MCC: variants seen among roughly 807,000 people sequenced by gnomAD.
MCC encodes the protein colorectal mutant cancer protein.
MCC carries 90 observed loss-of-function variants against 116.2 expected under a neutral mutation model. That is an observed-to-expected ratio of 0.77 (90% CI 0.65 to 0.92). The LOEUF (loss-of-function observed/expected upper bound fraction) is 0.92. Among genes scored for constraint, MCC ranks in the 40% least tolerant of loss-of-function variants. MCC has a pLI of 0.00. For synonymous variants in MCC, 578 were observed against 510.5 expected (o/e 1.13, Z -1.78); for missense variants, 1,516 against 1,312.2 (o/e 1.16, Z -2.40).
chr5:113,447,980 T>A (rs1208496392), intron 1 of MCC: 1 of 152,182 alleles, frequency 6.6e-6, no homozygotes, highest in Admixed American at 6.5e-5. Flanking sequence ...CTGGCCTCTA[T>A]CTGGGGAGAG....
chr5:113,223,405 C>T (rs975178144), intron 3 of MCC, among the ~76,000 whole-genome samples: 5 of 152,172 alleles, frequency 3.3e-5, no homozygotes, highest in Non-Finnish European at 7.3e-5. Context: ...CCCCTTGGAG[C>T]TCTTCTAGTT....
intron 11 of MCC, among the ~76,000 whole-genome samples, chr5:113,081,667 G>A (rs567280170): frequency 1.4e-4 from 21 of 152,248 alleles, no homozygotes; most frequent in Non-Finnish European, 2.5e-4. Context: ...CAGTGATACT[G>A]AAAAGACTGC....
At position 113,026,255 on chromosome 5, in the gene MCC, A is replaced by G. The variant is rs1750540822; in HGVS notation, c.*1047T>C. On this transcript the variant is annotated 3_prime_UTR_variant, in exon 19 of 19. Transcript: ENST00000408903. ...TGTCCCCGTCATGACAACAGGAGCT[A>G]AGTCTTGAACTGGGGGTTACACAGC... is the stretch of plus-strand genomic sequence containing the variant. 6.6e-6 allele frequency: 1 copy of G among 152,212 alleles called. No homozygotes were observed. The highest frequency in any genetic ancestry group is 1.5e-5 in the Non-Finnish European group (1 of 68,040). The allele number at this position is 152,212 out of a possible 1,614,324, so 9.4% of individuals were successfully genotyped here. A position where few individuals can be genotyped will look rare whatever the true frequency, so the allele number is the denominator to read the frequency against.
At chr5:113,349,942 T>C (rs1408650413) in intron 2 of MCC, among the ~76,000 whole-genome samples, 2 of 151,962 alleles carry the variant, frequency 1.3e-5, no homozygotes, top group African/African-American at 2.4e-5. Context: ...CCAAGTATAA[T>C]AGTTACAAAT....
chr5:113,246,719 T>C (rs1244203652), intron 3 of MCC, among the ~76,000 whole-genome samples: 3 of 152,238 alleles, frequency 2.0e-5, no homozygotes, highest in Admixed American at 6.5e-5. Flanking sequence ...TCCTACTTTA[T>C]CTTGTGAACT....
chr5:113,106,456 A>G (rs1301294271), intron 6 of MCC, among the ~76,000 whole-genome samples: 3 of 151,510 alleles, frequency 2.0e-5, no homozygotes, highest in Non-Finnish European at 4.4e-5. Context: ...CCCCTGGAAT[A>G]TGCCAAACTC....
At chr5:113,124,340 T>C (rs905960876) in intron 5 of MCC, among the ~76,000 whole-genome samples, 1 of 152,208 alleles carries the variant, frequency 6.6e-6, no homozygotes, top group South Asian at 2.1e-4. Context: ...ATACATTAGC[T>C]CTCCTTTCAG....
chr5:113,138,718 C>T (rs1758997430), intron 5 of MCC, among the ~76,000 whole-genome samples: 1 of 152,174 alleles, frequency 6.6e-6, no homozygotes, highest in Admixed American at 6.5e-5. Context: ...TATTTTGAAG[C>T]TCCATGGGTT....
In MCC at chr5:113,434,219, G is replaced by A. The variant is rs763281795; in HGVS notation, c.171-49007C>T. ...AGGGCATGGAGCCGCAGACCATGAT[G>A]TAGAGGATCACGCCTAGGCTCCAGA... is the stretch of plus-strand genomic sequence containing the variant. On this transcript the variant is annotated intron_variant, in intron 1 of 18. Transcript: ENST00000408903. This position sits in a 1 kb window ranked among gnomAD's most constrained non-coding sequence, Gnocchi z 4.2. 3.1e-6 allele frequency: 5 copies of A among 1,614,128 alleles called. No individual in the cohort carries two copies. The highest frequency in any genetic ancestry group is 4.2e-6 in the Non-Finnish European group (5 of 1,179,972).
chr5:113,221,691 T>G lies in MCC; in HGVS notation c.628-70269A>C, dbSNP rs188737681. Among the ~76,000 whole-genome samples the G allele has an allele frequency of 2.6e-5, 4 of 152,300 alleles. No individual in the cohort carries two copies. The East Asian group carries it at 7.7e-4, about 29-fold the overall frequency. On this transcript the variant is annotated intron_variant, in intron 3 of 18. Transcript: ENST00000408903. ...CAGGTGGATACACTGGCTCATCTGGTCTTGTGGACCTGACTGAGGAACTGA... is the reference window on the plus strand; with the variant it reads ...CAGGTGGATACACTGGCTCATCTGGGCTTGTGGACCTGACTGAGGAACTGA...
intron 11 of MCC, among the ~76,000 whole-genome samples, chr5:113,078,302 T>C (rs1348598234): frequency 2.0e-5 from 3 of 152,222 alleles, no homozygotes; most frequent in Non-Finnish European, 4.4e-5. Flanking sequence ...CTCATTCATT[T>C]TATGAGGCCA....
At chr5:113,338,999 T>A (rs1209493972) in intron 3 of MCC, among the ~76,000 whole-genome samples, 3 of 152,060 alleles carry the variant, frequency 2.0e-5, no homozygotes, top group Admixed American at 1.3e-4. Flanking sequence ...GGCGGGTGGA[T>A]CACTTGAGGT....
intron 3 of MCC, among the ~76,000 whole-genome samples, chr5:113,175,637 G>A (rs1310984577): frequency 6.6e-6 from 1 of 152,068 alleles, no homozygotes; most frequent in Admixed American, 6.5e-5. Context: ...ACTTTCTCAG[G>A]AACCTATCTA....
chr5:113,471,449 C>T (rs1343655250), intron 1 of MCC, among the ~76,000 whole-genome samples: 2 of 152,158 alleles, frequency 1.3e-5, no homozygotes, highest in Non-Finnish European at 2.9e-5. Flanking sequence ...CAGACCCTTT[C>T]TGCCTGGGTA....
rs181580863 is a variant in MCC at position 113,180,708 on chromosome 5, A to G, written c.628-29286T>C. Among the ~76,000 whole-genome samples, 74 of 152,366 alleles carry G rather than the reference A, an allele frequency of 4.9e-4. 1 individual carries two copies. Among genetic ancestry groups the G allele is most frequent in the African/African-American group, 1.7e-3 (72 of 41,588 alleles). On this transcript the variant is annotated intron_variant, in intron 3 of 18. Transcript: ENST00000408903. ...TATGTATATGTTAGATCTCAGCAGT[A>G]TAAAAGAGATCAATTTTTCCTCTAT...
intron 3 of MCC, among the ~76,000 whole-genome samples, chr5:113,238,146 T>C (rs1764200767): frequency 6.6e-6 from 1 of 152,158 alleles, no homozygotes; most frequent in Non-Finnish European, 1.5e-5. Flanking sequence ...AACCAGTCAC[T>C]TAAACTCAGA....
chr5:113,050,631 T>C (rs1752424932), intron 15 of MCC, among the ~76,000 whole-genome samples: 1 of 152,208 alleles, frequency 6.6e-6, no homozygotes, highest in Non-Finnish European at 1.5e-5. Flanking sequence ...CTTCGGATCT[T>C]TTGCCATTGG....
At chr5:113,274,667 T>C (rs1765757159) in intron 3 of MCC, among the ~76,000 whole-genome samples, 1 of 152,164 alleles carries the variant, frequency 6.6e-6, no homozygotes, top group South Asian at 2.1e-4. Context: ...ATCCTAAAGA[T>C]ATTTTGAAGG....
chr5:113,272,646 C>T (rs17135534), intron 3 of MCC, among the ~76,000 whole-genome samples: 22,126 of 152,064 alleles, frequency 0.15, 2,324 homozygotes, highest in Admixed American at 0.28. Flanking sequence ...AACCTAGAAA[C>T]AGGAATAAGC....
Sources: allele counts gnomAD v4.1 joint callset (sites outside exome capture counted in the v4.1 genomes callset), GRCh38; gene constraint gnomAD v4.1.1; non-coding constraint Gnocchi (gnomAD v3.1); transcripts MANE v1.5; gene names NCBI Gene and HGNC (gene_info 2026-07-23, HGNC 2026-07-21).